Variants in COP1 observed in about 807,000 individuals in gnomAD.
COP1 encodes the protein E3 ubiquitin-protein ligase COP1.
A neutral mutation model predicts 101.3 loss-of-function variants in COP1; 24 were observed. The ratio of observed to expected loss-of-function variants is 0.24; its 90% CI spans 0.17 to 0.33. The LOEUF (loss-of-function observed/expected upper bound fraction) is 0.33, where lower values mean the gene tolerates loss of function less well. Among genes scored for constraint, COP1 ranks in the 10% least tolerant of loss-of-function variants. COP1 has a pLI of 1.00. For missense variants in COP1, 663 were observed against 906.2 expected (o/e 0.73, Z 3.45); for synonymous variants, 347 against 341.9 (o/e 1.01, Z -0.17).
intron 18 of COP1, among the ~76,000 whole-genome samples, chr1:175,972,509 G>C (rs1398461594): frequency 6.9e-6 from 1 of 145,238 alleles, no homozygotes; most frequent in Non-Finnish European, 1.5e-5. Context: ...TGTGTTGCCA[G>C]AATGGAGTGC....
chr1:176,116,674 T>C lies in COP1; in HGVS notation c.976A>G (p.Ile326Val). ...GGTTGGCTGTATTCTGTGGAATCAA[T>C]AATACTACTGCAAAATGAAGAGAAA... ...EAPSPSHSSI[I>V]DSTEYSQPPG... is the part of the protein sequence containing the mutation. Residue 326 changes from isoleucine (I) to valine (V), a missense_variant, in exon 9 of 20, where the codon ATT becomes GTT. Physicochemically the swap from Ile to Val is conservative, Grantham distance 29. Coordinates refer to ENST00000367669, the MANE Select transcript of COP1 (RefSeq NM_022457.7). 6.2e-7 allele frequency: 1 copy of C among 1,607,094 alleles called. No individual in the cohort carries two copies. The highest frequency in any genetic ancestry group is 8.5e-7 in the Non-Finnish European group (1 of 1,175,384).
chr1:176,087,058 G>C (rs1226355860), intron 9 of COP1, among the ~76,000 whole-genome samples: 3 of 152,206 alleles, frequency 2.0e-5, no homozygotes, highest in Non-Finnish European at 4.4e-5. Context: ...CTAGCCATAT[G>C]TAGAAAGCTG....
intron 11 of COP1, 43 bp from the exon 12 acceptor site, chr1:176,046,367 T>A (rs768967460): frequency 6.3e-7 from 1 of 1,577,126 alleles, no homozygotes; most frequent in East Asian, 2.3e-5. Flanking sequence ...CAGAATTTGC[T>A]ATTTTCTATT....
intron 8 of COP1, among the ~76,000 whole-genome samples, chr1:176,126,654 A>G (rs1688040320): frequency 1.3e-5 from 2 of 152,048 alleles, no homozygotes; most frequent in Non-Finnish European, 1.5e-5. Context: ...AGGTTTCACC[A>G]TGTTGGCCAG....
intron 11 of COP1, among the ~76,000 whole-genome samples, chr1:176,077,111 C>G (rs1366115882): frequency 6.6e-6 from 1 of 152,148 alleles, no homozygotes; most frequent in Non-Finnish European, 1.5e-5. Flanking sequence ...GGGCTTCTCC[C>G]TAATTTATTC....
At chr1:176,136,359 T>C (rs1232405897) in intron 7 of COP1, 129 bp downstream of exon 7, 8 of 457,486 alleles carry the variant, frequency 1.7e-5, no homozygotes, top group Non-Finnish European at 2.4e-5. Context: ...TCAATTGAAA[T>C]GAAAGTAACA....
intron 14 of COP1, among the ~76,000 whole-genome samples, chr1:176,041,141 G>A (rs535771139): frequency 5.7e-4 from 87 of 152,206 alleles, no homozygotes; most frequent in Middle Eastern, 3.4e-3. Context: ...ATACAATGCA[G>A]CACATAGAGA....
intron 11 of COP1, among the ~76,000 whole-genome samples, chr1:176,066,379 C>A (rs944952469): frequency 2.6e-5 from 4 of 152,220 alleles, no homozygotes; most frequent in African/African-American, 9.6e-5. Flanking sequence ...AGCCACTGAA[C>A]CTGAGAGGGT....
chr1:176,029,205 T>A (rs1225840237), intron 14 of COP1, among the ~76,000 whole-genome samples: 1 of 152,218 alleles, frequency 6.6e-6, no homozygotes, highest in Non-Finnish European at 1.5e-5. Context: ...ATGTAGTAAT[T>A]CAGTTATACA....
intron 15 of COP1, among the ~76,000 whole-genome samples, chr1:175,995,602 G>C (rs773054514): frequency 6.6e-6 from 1 of 152,214 alleles, no homozygotes; most frequent in Non-Finnish European, 1.5e-5. Context: ...ACTACCATCA[G>C]AGAATACTAC....
At chr1:176,007,749 C>T (rs1177311806) in intron 15 of COP1, among the ~76,000 whole-genome samples, 1 of 152,184 alleles carries the variant, frequency 6.6e-6, no homozygotes, top group Admixed American at 6.5e-5. Context: ...CTCTTCAAAG[C>T]TGTCAGACAG....
intron 3 of COP1, 45 bp from the exon 4 acceptor site, chr1:176,163,936 T>C (rs371402519): frequency 1.5e-6 from 2 of 1,331,886 alleles, no homozygotes. Flanking sequence ...TTTGTATTTT[T>C]GTTAAATGTA....
At chr1:175,977,619 C>T (rs1277771398) in intron 18 of COP1, among the ~76,000 whole-genome samples, 1 of 151,956 alleles carries the variant, frequency 6.6e-6, no homozygotes, top group East Asian at 1.9e-4. Context: ...AGGAGAGTGT[C>T]ATGAGAACAA....
At chr1:175,986,142 C>A (rs1231756279) in intron 18 of COP1, among the ~76,000 whole-genome samples, 1 of 152,098 alleles carries the variant, frequency 6.6e-6, no homozygotes, top group African/African-American at 2.4e-5. Context: ...GACTCAGCCT[C>A]CCGAGTAGCT....
intron 14 of COP1, among the ~76,000 whole-genome samples, chr1:176,037,276 G>A (rs1014370920): frequency 1.6e-4 from 24 of 151,830 alleles, no homozygotes; most frequent in African/African-American, 5.1e-4. Context: ...GCATGGTGGC[G>A]GGTGCCCGTA....
At chr1:176,170,991 G>A (rs1695958427) in intron 3 of COP1, among the ~76,000 whole-genome samples, 1 of 151,882 alleles carries the variant, frequency 6.6e-6, no homozygotes, top group Non-Finnish European at 1.5e-5. Context: ...CGGGCTTGGT[G>A]GTGGGCGCCT....
chr1:175,980,893 T>C (rs981390847), intron 18 of COP1, among the ~76,000 whole-genome samples: 1 of 152,058 alleles, frequency 6.6e-6, no homozygotes, highest in Non-Finnish European at 1.5e-5. Flanking sequence ...GGACTCAGGG[T>C]CTACCCCTAA....
intron 11 of COP1, among the ~76,000 whole-genome samples, chr1:176,048,718 T>G (rs540430764): frequency 6.6e-6 from 1 of 152,344 alleles, no homozygotes; most frequent in South Asian, 2.1e-4. Flanking sequence ...CCTACTCATA[T>G]ACATAGCTAA....
At chr1:176,004,774 T>C (rs1427622029) in intron 15 of COP1, among the ~76,000 whole-genome samples, 9 of 150,642 alleles carry the variant, frequency 6.0e-5, no homozygotes, top group Admixed American at 4.0e-4. Context: ...TTGAGGATTT[T>C]TGCATCAATG....
Sources: allele counts gnomAD v4.1 joint callset (sites outside exome capture counted in the v4.1 genomes callset), GRCh38; gene constraint gnomAD v4.1.1; transcripts MANE v1.5; gene names NCBI Gene and HGNC (gene_info 2026-07-23, HGNC 2026-07-21).